PKHD1L1: variants seen among roughly 807,000 people sequenced by gnomAD.
PKHD1L1 encodes the protein fibrocystin-L.
PKHD1L1 carries 434 observed loss-of-function variants against 462.9 expected under a neutral mutation model. The observed-to-expected ratio is 0.94, with a 90% CI of 0.87 to 1.02. PKHD1L1 has a LOEUF of 1.02. PKHD1L1 is among the 50% of genes least tolerant of loss of function. PKHD1L1 has a pLI of 0.00. For synonymous variants in PKHD1L1, 1,781 were observed against 1,750.0 expected, an observed-to-expected ratio of 1.02 and a Z score of -0.44; for missense variants, 5,202 against 5,096.1, an observed-to-expected ratio of 1.02 and a Z score of -0.63.
intron 67 of PKHD1L1, among the ~76,000 whole-genome samples, chr8:109,502,659 T>C (rs888645192): frequency 2.6e-5 from 4 of 152,202 alleles, no homozygotes; most frequent in African/African-American, 7.2e-5. Context: ...ACCACCATAG[T>C]TTCCTTTTCT....
intron 72 of PKHD1L1, among the ~76,000 whole-genome samples, chr8:109,516,720 C>A (rs1349122326): frequency 1.3e-5 from 2 of 152,026 alleles, no homozygotes; most frequent in African/African-American, 4.8e-5. Flanking sequence ...ATAGTTGTGT[C>A]ATGAATAAAA....
chr8:109,375,922 C>T (rs1161055386), intron 2 of PKHD1L1, among the ~76,000 whole-genome samples: 3 of 152,212 alleles, frequency 2.0e-5, no homozygotes, highest in Non-Finnish European at 2.9e-5. Context: ...CTGGGGGATG[C>T]CTCCCAGTTA....
In PKHD1L1 at chr8:109,401,414, A is replaced by G. The variant is rs1813267543; in HGVS notation, c.1282-83A>G. On this transcript the variant is annotated intron_variant, in intron 13 of 77. Coordinates refer to ENST00000378402, the MANE Select transcript of PKHD1L1 (RefSeq NM_177531.6). ...TACTTATGAAACTTCTAAAACTGAA[A>G]TAATAAATGATAAATAAATAAATGT... The G allele has an allele frequency of 1.2e-5, 9 of 747,400 alleles. No individual in the cohort carries two copies. The South Asian group carries it at 1.8e-4, about 15-fold the overall frequency. The allele number at this position is 747,400 out of a possible 1,614,324, so 46.3% of individuals were successfully genotyped here.
rs756259383 is a variant in PKHD1L1 at position 109,443,113 on chromosome 8, T to C, written c.4561T>C (p.Tyr1521His). The C allele has an allele frequency of 1.6e-5, 26 of 1,612,792 alleles. 1 individual carries two copies. Among genetic ancestry groups the C allele is most frequent in the Non-Finnish European group, 2.1e-5 (25 of 1,179,166 alleles). Reference protein sequence around the residue: ...FVGRSEATYAYGGPENLHLGS... With the variant: ...FVGRSEATYAHGGPENLHLGS... ...GGGTCGCTCTGAAGCCACATATGCTTATGGTAAGATGGTTAAAGATGGAAA... is the reference window on the plus strand; with the variant it reads ...GGGTCGCTCTGAAGCCACATATGCTCATGGTAAGATGGTTAAAGATGGAAA... Residue 1521 changes from tyrosine to histidine, a missense_variant, in exon 36 of 78, where the codon TAT becomes CAT. Physicochemically the swap from Tyr to His is moderately conservative, Grantham distance 83 (BLOSUM62 2). Around this residue, in one of 3 missense-constraint regions of PKHD1L1, gnomAD observed 4,497 missense variants for 4,336.8 expected, o/e 1.04. Transcript: ENST00000378402.
chr8:109,395,079 A>C (rs1194734194), intron 10 of PKHD1L1, among the ~76,000 whole-genome samples: 2 of 152,190 alleles, frequency 1.3e-5, no homozygotes, highest in Admixed American at 6.5e-5. Flanking sequence ...GAGAGTATTT[A>C]CCGCATATCA....
intron 63 of PKHD1L1, among the ~76,000 whole-genome samples, chr8:109,496,083 A>G (rs183642978): frequency 6.6e-6 from 1 of 152,342 alleles, no homozygotes; most frequent in African/African-American, 2.4e-5. Context: ...AAGGTTAAAC[A>G]ACTTTCCCAA....
At chr8:109,452,341 G>T (rs1158814847) in intron 42 of PKHD1L1, 61 bp downstream of exon 42, 2 of 1,367,572 alleles carry the variant, frequency 1.5e-6, no homozygotes, top group African/African-American at 1.5e-5. Context: ...TGGGAGGTGG[G>T]CTAATTGGTA....
chr8:109,464,744 T>A lies in PKHD1L1; in HGVS notation c.7912T>A (p.Cys2638Ser). The A allele has an allele frequency of 6.2e-7, 1 of 1,613,856 alleles. No individual in the cohort carries two copies. Among genetic ancestry groups the A allele is most frequent in the Non-Finnish European group, 8.5e-7 (1 of 1,179,804 alleles). ...EEYFPMQTGS[C>S]TSTVPAPAIF... ...ATATTTCCCCATGCAAACGGGATCT[T>A]GTACATCTACAGTGCCTGCACCTGC... The change falls in exon 49 of 78, where the codon TGT (cysteine) becomes AGT (serine). Residue 2638 changes from cysteine (C) to serine (S), a missense_variant. Physicochemically the swap from Cys to Ser is moderately radical, Grantham distance 112 (BLOSUM62 -1). Around this residue, in one of 3 missense-constraint regions of PKHD1L1, gnomAD observed 4,497 missense variants for 4,336.8 expected, o/e 1.04. Transcript: ENST00000378402.
At chr8:109,525,366 A>G (rs1040874294) in intron 76 of PKHD1L1, among the ~76,000 whole-genome samples, 3 of 152,242 alleles carry the variant, frequency 2.0e-5, no homozygotes, top group Admixed American at 1.3e-4. Flanking sequence ...TTAGCGTCCT[A>G]TGTAATGTTT....
At chr8:109,372,300 CTGTT>C (rs1465459400) in intron 2 of PKHD1L1, among the ~76,000 whole-genome samples, 3 of 152,254 alleles carry the variant, frequency 2.0e-5, no homozygotes, top group South Asian at 2.1e-4. Flanking sequence ...ATTTGGCTCT[CTGTT>C]TGTCTGTTAT....
chr8:109,508,428 C>T (rs1420988710), intron 70 of PKHD1L1, among the ~76,000 whole-genome samples, 164 bp downstream of exon 70: 1 of 151,998 alleles, frequency 6.6e-6, no homozygotes, highest in Non-Finnish European at 1.5e-5. Context: ...AGACTTGATC[C>T]TGCAGTACCT....
chr8:109,508,265 G>T lies in PKHD1L1; in HGVS notation c.11395+1G>T. 6.2e-7 allele frequency: 1 copy of T among 1,600,262 alleles called. No individual in the cohort carries two copies. Among genetic ancestry groups the T allele is most frequent in the Non-Finnish European group, 8.5e-7 (1 of 1,174,868 alleles). On this transcript the variant is annotated splice_donor_variant, in intron 70 of 77. Transcript: ENST00000378402. LOFTEE classifies it high-confidence loss of function. ...AACGGTTATGTTGATCTTATTAATG[G>T]TAGGTATTCAATATGAGTAAACTAC... is the stretch of plus-strand genomic sequence containing the variant.
At chr8:109,415,187 A>C (rs968094488) in intron 21 of PKHD1L1, among the ~76,000 whole-genome samples, 1 of 151,488 alleles carries the variant, frequency 6.6e-6, no homozygotes, top group African/African-American at 2.4e-5. Flanking sequence ...GTTTTTGTAG[A>C]GATTGGGTCT....
At chr8:109,479,766 T>C (rs1055831645) in intron 54 of PKHD1L1, 127 bp downstream of exon 54, 4 of 825,628 alleles carry the variant, frequency 4.8e-6, no homozygotes, top group Non-Finnish European at 7.5e-6. Flanking sequence ...TGGACTCTAT[T>C]AATGCATCCC....
rs762341320 is a variant in PKHD1L1, at chr8:109,498,796, C to A, written c.10828+25C>A. On this transcript the variant is annotated intron_variant, in intron 67 of 77. Transcript: ENST00000378402. ...GGCAAGTACACAGTCTTTTACAAATCTTCTCAATTAATTTCTGTAAAGAAT... is the reference window on the plus strand; with the variant it reads ...GGCAAGTACACAGTCTTTTACAAATATTCTCAATTAATTTCTGTAAAGAAT... 11 of 1,522,978 alleles carry A rather than the reference C, an allele frequency of 7.2e-6. No homozygotes were observed. In the South Asian group the frequency reaches 1.1e-4, roughly 15 times the overall value. The allele number at this position is 1,522,978 out of a possible 1,614,324, so 94.3% of individuals were successfully genotyped here.
Position 109,507,872 on chromosome 8 carries a change from T to C in PKHD1L1, c.11204T>C (p.Val3735Ala), listed in dbSNP as rs751756433. Residue 3735 changes from valine to alanine, a missense_variant, in exon 69 of 78, where the codon GTC (valine) becomes GCC (alanine). By Grantham distance (64) the Val-to-Ala change is moderately conservative. Around this residue, in one of 3 missense-constraint regions of PKHD1L1, gnomAD observed 698 missense variants for 736.3 expected, o/e 0.95. Transcript: ENST00000378402. ...TTCTTGAATGGAAGTAGAATTCCTG[T>C]CACTGAGAAAGCACCTCATAAAGGT... ...LTFLNGSRIP[V>A]TEKAPHKGII... The C allele has an allele frequency of 1.9e-6, 3 of 1,613,422 alleles. No homozygotes were observed. The highest frequency in any genetic ancestry group is 3.3e-5 in the Admixed American group (2 of 59,910).
Position 109,498,460 on chromosome 8 carries a change from A to G in PKHD1L1, c.10600-2A>G. On this transcript the variant is annotated splice_acceptor_variant, in intron 65 of 77. Transcript: ENST00000378402. LOFTEE classifies it high-confidence loss of function. Reference sequence around the variant, plus strand: ...TATATTGTTTGGCTTATTTCCAAACAGAGCTCATTAATTGTTGGAAGTAGC... The same window carrying G: ...TATATTGTTTGGCTTATTTCCAAACGGAGCTCATTAATTGTTGGAAGTAGC... 3 of 1,592,954 alleles carry G rather than the reference A, an allele frequency of 1.9e-6. No homozygotes were observed. Among genetic ancestry groups the G allele is most frequent in the Non-Finnish European group, 2.6e-6 (3 of 1,161,254 alleles).
chr8:109,461,949 G>T (rs999938905), intron 48 of PKHD1L1, 41 bp downstream of exon 48: 28 of 1,559,620 alleles, frequency 1.8e-5, no homozygotes, highest in Non-Finnish European at 2.2e-5. Context: ...TTTGCTCAAG[G>T]TTATCCATAC....
At chr8:109,401,462 C>A (rs1285978469) in intron 13 of PKHD1L1, 35 bp from the exon 14 acceptor site, 4 of 1,113,256 alleles carry the variant, frequency 3.6e-6, no homozygotes, top group East Asian at 2.4e-5. Flanking sequence ...TTAATAAATT[C>A]TCCCTTTTCT....
Sources: gnomAD v4.1 joint callset for allele counts (sites outside exome capture counted in the v4.1 genomes callset) on GRCh38, gnomAD v4.1.1 for gene constraint, gnomAD v4.1.1 regional missense constraint, MANE v1.5 for transcripts, NCBI Gene and HGNC (gene_info 2026-07-23, HGNC 2026-07-21) for gene names.